Variants in EWSR1 observed in about 807,000 individuals in gnomAD.
EWSR1 encodes EWS RNA binding protein 1.
In EWSR1, 14 loss-of-function variants were observed where a neutral mutation model predicts 92.1. That is an observed-to-expected ratio of 0.15 (90% CI 0.10 to 0.24). EWSR1 has a LOEUF of 0.24. EWSR1 is among the 10% of genes least tolerant of loss of function. EWSR1 has a pLI of 1.00. For synonymous variants in EWSR1, 303 were observed against 292.9 expected (o/e 1.03, Z -0.35); for missense variants, 637 against 870.9 (o/e 0.73, Z 3.38).
intron 9 of EWSR1, 26 bp from the exon 10 acceptor site, chr22:29,292,109 ATT>A (rs1569104354): frequency 2.5e-6 from 4 of 1,610,066 alleles, no homozygotes; most frequent in Non-Finnish European, 3.4e-6. Flanking sequence ...CACTAATAAT[ATT>A]TTATATGATC....
At chr22:29,291,732 C>T (rs895633518) in intron 9 of EWSR1, 133 bp downstream of exon 9, 4 of 814,186 alleles carry the variant, frequency 4.9e-6, no homozygotes, top group African/African-American at 1.7e-5. Flanking sequence ...TGGGTACTGC[C>T]GGCATTGTCT....
chr22:29,290,608 G>A (rs2060372011), intron 8 of EWSR1: 1 of 1,487,046 alleles, frequency 6.7e-7, no homozygotes, highest in African/African-American at 1.4e-5. Flanking sequence ...CTGCATACTT[G>A]TTGTTTGGTA....
intron 4 of EWSR1, 167 bp from the exon 5 acceptor site, chr22:29,277,863 A>C (rs965394165): frequency 9.9e-6 from 6 of 603,444 alleles, no homozygotes; most frequent in Non-Finnish European, 1.7e-5. Context: ...CAGAGAACTT[A>C]GGCTTTAAAT....
At chr22:29,272,167 C>T (rs752720273) in intron 1 of EWSR1, 49 bp from the exon 2 acceptor site, 10 of 1,562,012 alleles carry the variant, frequency 6.4e-6, no homozygotes, top group African/African-American at 2.7e-5. Flanking sequence ...TTTCTCTTCT[C>T]CTTGTTTCTG....
chr22:29,268,376 C>T (rs779487945), intron 1 of EWSR1, 27 bp downstream of exon 1: 2 of 1,613,910 alleles, frequency 1.2e-6, no homozygotes, highest in Non-Finnish European at 8.5e-7. Context: ...TGCGGTCGCG[C>T]CGGCGGTAGC....
chr22:29,275,073 C>T (rs1019301665), intron 4 of EWSR1, among the ~76,000 whole-genome samples: 1 of 151,858 alleles, frequency 6.6e-6, no homozygotes, highest in Non-Finnish European at 1.5e-5. Flanking sequence ...CTAACCTCTT[C>T]TAGGGTGTTT....
intron 6 of EWSR1, among the ~76,000 whole-genome samples, chr22:29,283,978 A>G (rs2059820513): frequency 6.6e-6 from 1 of 151,152 alleles, no homozygotes; most frequent in Non-Finnish European, 1.5e-5. Context: ...GGGATTAGAT[A>G]CAGACGCCAC....
chr22:29,282,656 T>G, intron 6 of EWSR1, 99 bp downstream of exon 6: 4 of 1,011,496 alleles, frequency 4.0e-6, no homozygotes, highest in African/African-American at 1.7e-5. Flanking sequence ...AGGTATGTTA[T>G]CTGACTGTCG....
At chr22:29,284,378 C>G (rs1309483722) in intron 6 of EWSR1, among the ~76,000 whole-genome samples, 1 of 151,252 alleles carries the variant, frequency 6.6e-6, no homozygotes, top group Non-Finnish European at 1.5e-5. Context: ...CTTTTTTGCA[C>G]TCATTTCATT....
At chr22:29,280,865 T>TG (rs2059530415) in intron 5 of EWSR1, among the ~76,000 whole-genome samples, 1 of 16,496 alleles carries the variant, frequency 6.1e-5, no homozygotes, top group Non-Finnish European at 1.0e-4. Context: ...GTGTGTTGTT[T>TG]TTTTTTTTTT....
chr22:29,268,960 G>C (rs1273318730), intron 1 of EWSR1, among the ~76,000 whole-genome samples: 2 of 152,188 alleles, frequency 1.3e-5, no homozygotes, highest in Non-Finnish European at 2.9e-5. Context: ...ACTTCTGCTC[G>C]CCTGGGCTTT....
At chr22:29,290,699 T>G in intron 8 of EWSR1, 1 of 1,333,426 alleles carries the variant, frequency 7.5e-7, no homozygotes, top group Non-Finnish European at 9.6e-7. Flanking sequence ...GAGAACATTT[T>G]ATGGTGTGTA....
At chr22:29,298,959 C>G in intron 14 of EWSR1, 64 bp downstream of exon 14, 2 of 1,485,046 alleles carry the variant, frequency 1.3e-6, no homozygotes, top group East Asian at 2.3e-5. Flanking sequence ...CACCCCATCC[C>G]CACTCTAGAG....
intron 6 of EWSR1, among the ~76,000 whole-genome samples, chr22:29,286,129 G>A (rs949972879): frequency 6.7e-6 from 1 of 150,324 alleles, no homozygotes; most frequent in Non-Finnish European, 1.5e-5. Context: ...GTGAGCCACC[G>A]CACCCGGCCT....
chr22:29,280,862 GTTTTTTTTTTTTTTTTTTTTTTT>G (rs71196650), intron 5 of EWSR1, among the ~76,000 whole-genome samples: 1 of 62,870 alleles, frequency 1.6e-5, no homozygotes, highest in Non-Finnish European at 3.1e-5. Context: ...TGTGTGTGTT[GTTTTTTTTTTTTTTTTTTTTTTT>G]TTTTTTTTTT....
At chr22:29,278,471 A>G (rs546474056) in intron 5 of EWSR1, among the ~76,000 whole-genome samples, 2 of 149,530 alleles carry the variant, frequency 1.3e-5, no homozygotes, top group Non-Finnish European at 3.0e-5. Context: ...CGGATCATAT[A>G]AGGTCAGGAG....
intron 5 of EWSR1, among the ~76,000 whole-genome samples, chr22:29,281,725 C>T (rs2059620861): frequency 6.6e-6 from 1 of 152,122 alleles, no homozygotes; most frequent in African/African-American, 2.4e-5. Context: ...GGACTACAGG[C>T]GCCCACCACC....
chr22:29,297,914 G>A lies in EWSR1; in HGVS notation c.1382G>A (p.Arg461His), dbSNP rs764710364. Residue 461 changes from arginine to histidine, a missense_variant, in exon 13 of 17, where the codon CGT becomes CAT. Physicochemically the swap from Arg to His is conservative, Grantham distance 29 (BLOSUM62 0). Around this residue, in one of 5 missense-constraint regions of EWSR1, gnomAD observed 363 missense variants for 447.8 expected, o/e 0.81. Coordinates refer to ENST00000397938, the MANE Select transcript of EWSR1 (RefSeq NM_005243.4). ...MNSMRGGLPPREGRGMPPPLR... is the reference protein window; with the variant it reads ...MNSMRGGLPPHEGRGMPPPLR... ...AGTATGCGGGGTGGTCTGCCACCCC[G>A]TGAGGGCAGAGGCATGCCACCACCA... is the stretch of plus-strand genomic sequence containing the variant. The A allele has an allele frequency of 2.5e-6, 4 of 1,613,870 alleles. No homozygotes were observed. Among genetic ancestry groups the A allele is most frequent in the Non-Finnish European group, 3.4e-6 (4 of 1,179,966 alleles).
At chr22:29,281,665 C>G (rs1485615078) in intron 5 of EWSR1, among the ~76,000 whole-genome samples, 1 of 152,090 alleles carries the variant, frequency 6.6e-6, no homozygotes, top group East Asian at 1.9e-4. Context: ...ACTGCCAGCT[C>G]CGCCTCCTGG....
Sources: allele counts gnomAD v4.1 joint callset (sites outside exome capture counted in the v4.1 genomes callset), GRCh38; gene constraint gnomAD v4.1.1; regional missense constraint gnomAD v4.1.1; transcripts MANE v1.5; gene names NCBI Gene and HGNC (gene_info 2026-07-23, HGNC 2026-07-21).